Variants in PCDHGC4 observed in about 807,000 individuals in gnomAD.
PCDHGC4 encodes protocadherin gamma subfamily C, 4, also known as protocadherin gamma-C4.
A neutral mutation model predicts 59.7 loss-of-function variants in PCDHGC4; 15 were observed. That is an observed-to-expected ratio of 0.25 (90% CI 0.17 to 0.39). The LOEUF is 0.39. Among genes scored for constraint, PCDHGC4 ranks in the 10% least tolerant of loss-of-function variants. The pLI, the probability that PCDHGC4 is intolerant of heterozygous loss-of-function variation, is 1.00. For synonymous variants in PCDHGC4, 434 were observed against 481.4 expected (o/e 0.90, Z 1.29); for missense variants, 1,016 against 1,189.5 (o/e 0.85, Z 2.15).
chr5:141,492,257 A>G (rs955890030), intron 1 of PCDHGC4, among the ~76,000 whole-genome samples: 1 of 152,126 alleles, frequency 6.6e-6, no homozygotes, highest in Non-Finnish European at 1.5e-5. Flanking sequence ...GGCCCACACA[A>G]GTTGCACGGG....
In PCDHGC4 at chr5:141,486,819, T is replaced by TG; in HGVS notation, c.1646_1647insG (p.Thr550AsnfsTer11). 6.2e-7 allele frequency: 1 copy of TG among 1,614,212 alleles called. No homozygotes were observed. Among genetic ancestry groups the TG allele is most frequent in the Non-Finnish European group, 8.5e-7 (1 of 1,180,034 alleles). On this transcript the variant is annotated frameshift_variant, in exon 1 of 4. Coordinates refer to ENST00000306593, the MANE Select transcript of PCDHGC4 (RefSeq NM_018928.3). LOFTEE classifies it high-confidence loss of function. The surrounding 1 kb of genome is among the most constrained non-coding windows in gnomAD (Gnocchi z 5.0). ...GGCAACCCACCCCTTAGCAGCACTG[T>TG]AACAGTTCGTCTATTTGTGCTGGAC...
chr5:141,495,818 GTTC>G (rs2099764072), intron 2 of PCDHGC4, among the ~76,000 whole-genome samples: 1 of 151,904 alleles, frequency 6.6e-6, no homozygotes, highest in South Asian at 2.1e-4. Context: ...AGCGCCTTGT[GTTC>G]TTCTATCCCC....
Position 141,490,867 on chromosome 5 carries a change from C to G in PCDHGC4, c.2442+3252C>G. ...GGGGGTTCGAGACTCCGGCTCTCCC[C>G]CATTGCATGCCAACACATCTCTGCA... On this transcript the variant is annotated intron_variant, in intron 1 of 3. Coordinates refer to ENST00000306593, the MANE Select transcript of PCDHGC4 (RefSeq NM_018928.3). This position sits in a 1 kb window ranked among gnomAD's most constrained non-coding sequence, Gnocchi z 5.4. 6.2e-7 allele frequency: 1 copy of G among 1,613,912 alleles called. No individual in the cohort carries two copies. The highest frequency in any genetic ancestry group is 8.5e-7 in the Non-Finnish European group (1 of 1,179,936).
Position 141,485,274 on chromosome 5 carries a change from C to A in PCDHGC4, c.101C>A (p.Pro34Gln). 1 of 1,614,106 alleles carries A rather than the reference C, an allele frequency of 6.2e-7. No homozygotes were observed. The highest frequency in any genetic ancestry group is 1.3e-5 in the African/African-American group (1 of 75,036). ...TACGTTTGTGGGCAGATCCGCTACC[C>A]GGTCCCAGAGGAGTCACAGGAAGGG... The part of the protein sequence containing the change: ...LGYVCGQIRY[P>Q]VPEESQEGTF... Residue 34 changes from proline to glutamine, a missense_variant, in exon 1 of 4, where the codon CCG becomes CAG. By Grantham distance (76) the Pro-to-Gln change is moderately conservative. Transcript: ENST00000306593. The surrounding 1 kb of genome is among the most constrained non-coding windows in gnomAD (Gnocchi z 5.7).
Position 141,485,931 on chromosome 5 carries a change from A to C in PCDHGC4, c.758A>C (p.Glu253Ala), listed in dbSNP as rs761979804. 3 of 1,614,192 alleles carry C rather than the reference A, an allele frequency of 1.9e-6. No individual in the cohort carries two copies. In the South Asian group the frequency reaches 3.3e-5, roughly 18 times the overall value. The change falls in exon 1 of 4, where the codon GAG becomes GCG. Residue 253 changes from glutamate (E) to alanine (A), a missense_variant. Transcript: ENST00000306593. This position sits in a 1 kb window ranked among gnomAD's most constrained non-coding sequence, Gnocchi z 5.7. ...QQSSYRISVL[E>A]SAPAGMVLIQ... is the part of the protein sequence containing the mutation. Reference sequence around the variant, plus strand: ...TCCAGCTACAGGATTAGTGTGTTGGAGAGCGCACCAGCGGGCATGGTGCTC... The same window carrying C: ...TCCAGCTACAGGATTAGTGTGTTGGCGAGCGCACCAGCGGGCATGGTGCTC...
At position 141,486,878 on chromosome 5, in the gene PCDHGC4, C is replaced by T. The variant is rs772994346; in HGVS notation, c.1705C>T (p.Arg569Trp). ...NDNAPAVLRPRARPGSLCPQA... is the reference protein window; with the variant it reads ...NDNAPAVLRPWARPGSLCPQA... ...CAATGCTCCAGCTGTGCTCCGTCCT[C>T]GGGCCCGGCCTGGTTCCTTATGTCC... The change falls in exon 1 of 4, where the codon CGG (arginine) becomes TGG (tryptophan). Residue 569 changes from arginine to tryptophan, a missense_variant. Transcript: ENST00000306593. The surrounding 1 kb of genome is among the most constrained non-coding windows in gnomAD (Gnocchi z 5.0). 3.0e-5 allele frequency: 49 copies of T among 1,614,114 alleles called. No homozygotes were observed. The highest frequency in any genetic ancestry group is 4.4e-5 in the South Asian group (4 of 91,088).
Position 141,491,676 on chromosome 5 carries a change from T to C in PCDHGC4, c.2443-3131T>C. On this transcript the variant is annotated intron_variant, in intron 1 of 3. Coordinates refer to ENST00000306593, the MANE Select transcript of PCDHGC4 (RefSeq NM_018928.3). The surrounding 1 kb of genome is among the most constrained non-coding windows in gnomAD (Gnocchi z 6.9). ...AGCCTGACGCCATCCGGTCCCGCTC[T>C]AATACGCTGCGGGAGCGGAGCCAGG... 3.1e-6 allele frequency: 5 copies of C among 1,613,546 alleles called. No individual in the cohort carries two copies. Among genetic ancestry groups the C allele is most frequent in the Non-Finnish European group, 4.2e-6 (5 of 1,179,848 alleles).
At position 141,511,871 on chromosome 5, in the gene PCDHGC4, A is replaced by T. The variant is rs1306732557; in HGVS notation, c.*698A>T. On this transcript the variant is annotated 3_prime_UTR_variant, in exon 4 of 4. Coordinates refer to ENST00000306593, the MANE Select transcript of PCDHGC4 (RefSeq NM_018928.3). ...TTGTTTTTCATTGTTTGACGTTTCCACTGCATGCCTTGACTTCCCCCACCT... is the reference window on the plus strand; with the variant it reads ...TTGTTTTTCATTGTTTGACGTTTCCTCTGCATGCCTTGACTTCCCCCACCT... 1 of 156,376 alleles carries T rather than the reference A, an allele frequency of 6.4e-6. No homozygotes were observed. The highest frequency in any genetic ancestry group is 1.9e-4 in the East Asian group (1 of 5,268). 9.7% of individuals were successfully genotyped at this position (156,376 alleles called of 1,614,324 possible).
Position 141,485,616 on chromosome 5 carries a change from C to T in PCDHGC4, c.443C>T (p.Pro148Leu). The change falls in exon 1 of 4, where the codon CCA becomes CTA. Residue 148 changes from proline (P) to leucine (L), a missense_variant. Coordinates refer to ENST00000306593, the MANE Select transcript of PCDHGC4 (RefSeq NM_018928.3). This position sits in a 1 kb window ranked among gnomAD's most constrained non-coding sequence, Gnocchi z 5.7. ...LDLEIGEAAP[P>L]GQRFPLEKAQ... is the part of the protein sequence containing the mutation. ...TTGGAAATTGGGGAGGCAGCTCCTCCAGGACAGCGTTTCCCGTTGGAAAAG... is the reference window on the plus strand; with the variant it reads ...TTGGAAATTGGGGAGGCAGCTCCTCTAGGACAGCGTTTCCCGTTGGAAAAG... 1 of 1,612,210 alleles carries T rather than the reference C, an allele frequency of 6.2e-7. No individual in the cohort carries two copies.
chr5:141,501,635 T>G (rs553343946), intron 2 of PCDHGC4, among the ~76,000 whole-genome samples: 1 of 152,236 alleles, frequency 6.6e-6, no homozygotes, highest in African/African-American at 2.4e-5. Flanking sequence ...TCTCAACCTC[T>G]CTGAGCCCTG....
At position 141,489,494 on chromosome 5, in the gene PCDHGC4, C is replaced by A. The variant is rs1191408769; in HGVS notation, c.2442+1879C>A. ...CTGAGCTTGATGAGTGGTGCCCTGGCAGTGAATCAAAAGATTGACCGAGAA... is the reference window on the plus strand; with the variant it reads ...CTGAGCTTGATGAGTGGTGCCCTGGAAGTGAATCAAAAGATTGACCGAGAA... On this transcript the variant is annotated intron_variant, in intron 1 of 3. Coordinates refer to ENST00000306593, the MANE Select transcript of PCDHGC4 (RefSeq NM_018928.3). This position sits in a 1 kb window ranked among gnomAD's most constrained non-coding sequence, Gnocchi z 4.5. 1.1e-5 allele frequency: 18 copies of A among 1,613,932 alleles called. No individual in the cohort carries two copies. The highest frequency in any genetic ancestry group is 1.7e-5 in the Admixed American group (1 of 59,998).
intron 2 of PCDHGC4, among the ~76,000 whole-genome samples, chr5:141,497,543 T>C (rs896069181): frequency 4.7e-5 from 7 of 149,068 alleles, no homozygotes; most frequent in Non-Finnish European, 9.0e-5. Context: ...AACAAACCTT[T>C]TTTTTTTTTT....
chr5:141,485,980 G>C lies in PCDHGC4; in HGVS notation c.807G>C (p.Pro269=), dbSNP rs151239937. 1 of 1,614,020 alleles carries C rather than the reference G, an allele frequency of 6.2e-7. No individual in the cohort carries two copies. The highest frequency in any genetic ancestry group is 1.3e-5 in the African/African-American group (1 of 74,914). The stretch of plus-strand genomic sequence containing the variant: ...TCATCCAGCTCAATGCCTCAGACCC[G>C]GACCTGGGTCCCAGTGGTAACGTCA... The part of the protein sequence containing the change: ...MVLIQLNASD[P]DLGPSGNVTF... The change falls in exon 1 of 4, where the codon CCG becomes CCC. Residue 269 remains proline (P), a synonymous_variant. Transcript: ENST00000306593. The surrounding 1 kb of genome is among the most constrained non-coding windows in gnomAD (Gnocchi z 5.7).
rs188117490 is a variant in PCDHGC4 at position 141,507,256 on chromosome 5, C to G, written c.2590+1775C>G. 3 of 152,178 alleles carry G rather than the reference C, an allele frequency of 2.0e-5. No individual in the cohort carries two copies. In the East Asian group the frequency reaches 5.8e-4, roughly 29 times the overall value. The allele number at this position is 152,178 out of a possible 1,614,324, so 9.4% of individuals were successfully genotyped here. ...CAGTTACAGTTGAATGTCAGATAAA[C>G]AGCAAGTACTATTTCAGCATAAGTC... On this transcript the variant is annotated intron_variant, in intron 3 of 3. Coordinates refer to ENST00000306593, the MANE Select transcript of PCDHGC4 (RefSeq NM_018928.3).
In PCDHGC4 at chr5:141,485,956, C is replaced by T. The variant is rs1430530851; in HGVS notation, c.783C>T (p.Leu261=). 1 of 1,614,150 alleles carries T rather than the reference C, an allele frequency of 6.2e-7. No individual in the cohort carries two copies. Among genetic ancestry groups the T allele is most frequent in the South Asian group, 1.1e-5 (1 of 91,074 alleles). The part of the protein sequence containing the change: ...VLESAPAGMV[L]IQLNASDPDL... ...AGAGCGCACCAGCGGGCATGGTGCT[C>T]ATCCAGCTCAATGCCTCAGACCCGG... The change falls in exon 1 of 4, where the codon CTC becomes CTT. Residue 261 remains leucine (L), a synonymous_variant. Coordinates refer to ENST00000306593, the MANE Select transcript of PCDHGC4 (RefSeq NM_018928.3). This position sits in a 1 kb window ranked among gnomAD's most constrained non-coding sequence, Gnocchi z 5.7.
Position 141,489,980 on chromosome 5 carries a change from T to G in PCDHGC4, c.2442+2365T>G, listed in dbSNP as rs2099694325. 1.2e-6 allele frequency: 2 copies of G among 1,614,204 alleles called. No individual in the cohort carries two copies. The highest frequency in any genetic ancestry group is 1.7e-6 in the Non-Finnish European group (2 of 1,180,012). On this transcript the variant is annotated intron_variant, in intron 1 of 3. Transcript: ENST00000306593. This position sits in a 1 kb window ranked among gnomAD's most constrained non-coding sequence, Gnocchi z 4.5. ...GCTCCAACCTTCCAATCCTCAGTTC[T>G]ACGTGTGGGAATCCCAGAGAATGCA...
rs1453419469 is a variant in PCDHGC4, at chr5:141,505,501, G to A, written c.2590+20G>A. On this transcript the variant is annotated intron_variant, in intron 3 of 3. Transcript: ENST00000306593. ...CCAGTGGTAAGTGGTGTCAGTGTGT[G>A]TATGGAAGAGTGGGAGACCTGGGGT... The A allele has an allele frequency of 1.2e-6, 2 of 1,614,156 alleles. No homozygotes were observed. Among genetic ancestry groups the A allele is most frequent in the Non-Finnish European group, 1.7e-6 (2 of 1,179,970 alleles).
chr5:141,504,763 C>G (rs1057360921), intron 2 of PCDHGC4, among the ~76,000 whole-genome samples: 5 of 152,018 alleles, frequency 3.3e-5, no homozygotes, highest in African/African-American at 1.2e-4. Context: ...AATTTCTTCT[C>G]CCTGCTCCAG....
At chr5:141,505,604 G>T (rs772730114) in intron 3 of PCDHGC4, 123 bp downstream of exon 3, 1 of 1,535,418 alleles carries the variant, frequency 6.5e-7, no homozygotes, top group Non-Finnish European at 8.8e-7. Flanking sequence ...CTTTCGGCAG[G>T]TCTGAAAGGA....
Sources: gnomAD v4.1 joint callset for allele counts (sites outside exome capture counted in the v4.1 genomes callset) on GRCh38, gnomAD v4.1.1 for gene constraint, Gnocchi (gnomAD v3.1) non-coding constraint, MANE v1.5 for transcripts, NCBI Gene and HGNC (gene_info 2026-07-23, HGNC 2026-07-21) for gene names.